Variants in TBC1D9 observed in about 807,000 individuals in gnomAD.
TBC1D9 encodes the protein TBC1 domain family member 9A.
Under a neutral mutation model 132.0 loss-of-function variants are expected in TBC1D9, and 63 were observed. That is an observed-to-expected ratio of 0.48 (90% CI 0.39 to 0.59). TBC1D9 has a LOEUF of 0.59. TBC1D9 is among the 20% of genes least tolerant of loss of function. The pLI, the probability that TBC1D9 is intolerant of heterozygous loss-of-function variation, is 0.00. For missense variants in TBC1D9, 1,261 were observed against 1,592.7 expected (o/e 0.79, Z 3.54); for synonymous variants, 610 against 609.9 (o/e 1.00, Z 0.00).
chr4:140,699,791 TG>T lies in TBC1D9; in HGVS notation c.241+1712del, dbSNP rs377587524. ...TTACTTACAAATAATGTATCAACAC[TG>T]GTTCATTAATTATAACAAATGTACC... On this transcript the variant is annotated intron_variant, in intron 2 of 20. Transcript: ENST00000442267. Among the ~76,000 whole-genome samples, 34 of 152,350 alleles carry T rather than the reference TG, an allele frequency of 2.2e-4. No homozygotes were observed. The East Asian group carries it at 6.2e-3, about 28-fold the overall frequency.
intron 1 of TBC1D9, among the ~76,000 whole-genome samples, chr4:140,703,466 C>T (rs1278326721): frequency 6.6e-6 from 1 of 152,128 alleles, no homozygotes; most frequent in African/African-American, 2.4e-5. Context: ...TCAGTTCTGG[C>T]TCTGACTCTG....
chr4:140,672,300 A>G (rs566233382), intron 6 of TBC1D9, among the ~76,000 whole-genome samples: 2 of 150,808 alleles, frequency 1.3e-5, no homozygotes, highest in Non-Finnish European at 3.0e-5. Flanking sequence ...ATCTTCTGAG[A>G]CACCTGAAGT....
At chr4:140,695,053 A>G (rs1194399728) in intron 2 of TBC1D9, among the ~76,000 whole-genome samples, 1 of 152,170 alleles carries the variant, frequency 6.6e-6, no homozygotes, top group Non-Finnish European at 1.5e-5. Context: ...AAATTACCCA[A>G]CATTTTCTTT....
intron 1 of TBC1D9, among the ~76,000 whole-genome samples, chr4:140,718,839 G>A (rs1477453777): frequency 6.6e-6 from 1 of 152,124 alleles, no homozygotes; most frequent in African/African-American, 2.4e-5. Flanking sequence ...AGCACTTTGG[G>A]AGGCCAAGGT....
chr4:140,737,436 TTCTCTC>T (rs60339822), intron 1 of TBC1D9, among the ~76,000 whole-genome samples: 55,530 of 146,900 alleles, frequency 0.38, 12,095 homozygotes, highest in African/African-American at 0.6. Context: ...GCACCCTCCC[TTCTCTC>T]TCTCTCTCTC....
At chr4:140,665,341 C>T (rs1737427425) in intron 9 of TBC1D9, among the ~76,000 whole-genome samples, 1 of 152,004 alleles carries the variant, frequency 6.6e-6, no homozygotes, top group Non-Finnish European at 1.5e-5. Flanking sequence ...TAGGAAAAAT[C>T]TGATAATGAA....
At chr4:140,709,242 T>TCACACACACA (rs1351887682) in intron 1 of TBC1D9, among the ~76,000 whole-genome samples, 10 of 106,846 alleles carry the variant, frequency 9.4e-5, no homozygotes, top group African/African-American at 3.5e-4. Context: ...TCTCTCTCTC[T>TCACACACACA]CTCTCTCACA....
At chr4:140,670,638 A>G (rs1737520069) in intron 7 of TBC1D9, 82 bp downstream of exon 7, 2 of 1,200,782 alleles carry the variant, frequency 1.7e-6, no homozygotes, top group South Asian at 1.3e-5. Context: ...CTTGAAGATC[A>G]AACAAAATGG....
At chr4:140,741,788 C>T (rs1317715337) in intron 1 of TBC1D9, among the ~76,000 whole-genome samples, 1 of 152,172 alleles carries the variant, frequency 6.6e-6, no homozygotes, top group East Asian at 1.9e-4. Context: ...GAGGCTTCAT[C>T]TACATAATAA....
intron 13 of TBC1D9, among the ~76,000 whole-genome samples, chr4:140,649,207 G>A (rs1345965882): frequency 2.0e-5 from 3 of 152,210 alleles, no homozygotes; most frequent in African/African-American, 4.8e-5. Flanking sequence ...AGAGGGCCAT[G>A]GAATGATGTG....
chr4:140,708,669 A>G (rs893828445), intron 1 of TBC1D9, among the ~76,000 whole-genome samples: 3 of 152,184 alleles, frequency 2.0e-5, no homozygotes, highest in African/African-American at 7.2e-5. Flanking sequence ...ATAATTATAA[A>G]TGCGCCAGAG....
At position 140,622,344 on chromosome 4, in the gene TBC1D9, C is replaced by A; in HGVS notation, c.3652G>T (p.Ala1218Ser). 6.2e-7 allele frequency: 1 copy of A among 1,613,682 alleles called. No individual in the cohort carries two copies. Among genetic ancestry groups the A allele is most frequent in the Non-Finnish European group, 8.5e-7 (1 of 1,179,606 alleles). The part of the protein sequence containing the change: ...DWAITFEQFL[A>S]SLLTEPALVK... The stretch of plus-strand genomic sequence containing the variant: ...AGGGCAGGCTCAGTTAAGAGGGAGG[C>A]CAGGAACTGCTCGAAGGTGATGGCC... Residue 1218 changes from alanine to serine, a missense_variant, in exon 21 of 21, where the codon GCC becomes TCC. Ala to Ser is a moderately conservative substitution (Grantham distance 99, BLOSUM62 1). Coordinates refer to ENST00000442267, the MANE Select transcript of TBC1D9 (RefSeq NM_015130.3).
intron 1 of TBC1D9, among the ~76,000 whole-genome samples, chr4:140,719,704 A>C (rs1738393894): frequency 6.6e-6 from 1 of 152,206 alleles, no homozygotes; most frequent in South Asian, 2.1e-4. Context: ...GCTGCGAAGA[A>C]AGAAGCAGCA....
chr4:140,627,385 A>G, intron 18 of TBC1D9, 56 bp downstream of exon 18: 1 of 1,139,846 alleles, frequency 8.8e-7, no homozygotes, highest in East Asian at 2.5e-5. Flanking sequence ...TTTTTCCAAT[A>G]ATGGAGGGCT....
intron 1 of TBC1D9, among the ~76,000 whole-genome samples, chr4:140,703,520 G>A (rs1002129896): frequency 6.6e-6 from 1 of 152,090 alleles, no homozygotes; most frequent in African/African-American, 2.4e-5. Flanking sequence ...TTAACTTCTC[G>A]TTGCTTTGAT....
At chr4:140,704,126 G>A (rs183224278) in intron 1 of TBC1D9, among the ~76,000 whole-genome samples, 289 of 152,232 alleles carry the variant, frequency 1.9e-3, no homozygotes, top group African/African-American at 6.5e-3. Flanking sequence ...GGCTAGGCGC[G>A]GTGGCTAATA....
intron 1 of TBC1D9, among the ~76,000 whole-genome samples, chr4:140,725,270 A>T (rs922699392): frequency 6.6e-6 from 1 of 152,204 alleles, no homozygotes; most frequent in African/African-American, 2.4e-5. Flanking sequence ...ATACAGAAAG[A>T]TATACCATTG....
intron 1 of TBC1D9, among the ~76,000 whole-genome samples, chr4:140,718,903 G>C (rs1288394673): frequency 6.6e-6 from 1 of 151,858 alleles, no homozygotes; most frequent in East Asian, 1.9e-4. Flanking sequence ...ACATGGCAAG[G>C]CTGTTTTTAT....
chr4:140,698,724 T>A, intron 2 of TBC1D9, among the ~76,000 whole-genome samples: 1 of 143,252 alleles, frequency 7.0e-6, no homozygotes, highest in African/African-American at 2.7e-5. Context: ...GGCGACAGAG[T>A]GAGACTCCAT....
Sources: gnomAD v4.1 joint callset for allele counts (sites outside exome capture counted in the v4.1 genomes callset) on GRCh38, gnomAD v4.1.1 for gene constraint, MANE v1.5 for transcripts, NCBI Gene and HGNC (gene_info 2026-07-23, HGNC 2026-07-21) for gene names.